The following MAX variants were observed in gnomAD, a reference collection of about 807,000 sequenced individuals.
The protein encoded by MAX is MYC associated transcriptional regulator X.
Under a neutral mutation model 22.3 loss-of-function variants are expected in MAX, and 3 were observed. The ratio of observed to expected loss-of-function variants is 0.13; its 90% CI spans 0.06 to 0.35. The LOEUF (loss-of-function observed/expected upper bound fraction) is 0.35, where lower values mean the gene tolerates loss of function less well. MAX is among the 10% of genes least tolerant of loss of function. MAX has a pLI of 1.00. For synonymous variants in MAX, 72 were observed against 77.7 expected (o/e 0.93, Z 0.39); for missense variants, 119 against 209.4 (o/e 0.57, Z 2.66).
intron 3 of MAX, among the ~76,000 whole-genome samples, chr14:65,033,309 G>A (rs2062122168): frequency 6.6e-6 from 1 of 152,152 alleles, no homozygotes; most frequent in Non-Finnish European, 1.5e-5. Flanking sequence ...ATTCTGTATT[G>A]TTTCTGAGAA....
downstream of MAX, among the ~76,000 whole-genome samples, chr14:65,074,862 G>C (rs964165960): frequency 6.6e-6 from 1 of 152,190 alleles, no homozygotes; most frequent in African/African-American, 2.4e-5. Flanking sequence ...ACTAGATCTA[G>C]AAATGTTGCC....
At chr14:65,102,261 C>A (rs886953955) in intron 1 of MAX, 43 bp downstream of exon 1, 1 of 1,612,272 alleles carries the variant, frequency 6.2e-7, no homozygotes, top group Admixed American at 1.7e-5. Context: ...CCGCTGTCCC[C>A]GCCTGACAAC....
downstream of MAX, among the ~76,000 whole-genome samples, chr14:65,071,031 A>G (rs1356034897): frequency 6.6e-6 from 1 of 152,226 alleles, no homozygotes; most frequent in Non-Finnish European, 1.5e-5. The surrounding 1 kb of genome is among the most constrained non-coding windows in gnomAD (Gnocchi z 4.2). Flanking sequence ...CTTTCAGAAA[A>G]CATGCAAATT....
At chr14:65,049,227 T>C (rs975312620) in intron 3 of MAX, among the ~76,000 whole-genome samples, 2 of 152,098 alleles carry the variant, frequency 1.3e-5, no homozygotes, top group Non-Finnish European at 2.9e-5. Context: ...AGCAGGCCTG[T>C]GAGTTTCCAC....
intron 3 of MAX, among the ~76,000 whole-genome samples, chr14:65,086,085 G>A (rs986748750): frequency 6.6e-6 from 1 of 152,180 alleles, no homozygotes; most frequent in African/African-American, 2.4e-5. Context: ...CCCTGCACAA[G>A]TTCTCTTCGC....
In MAX at chr14:65,029,599, C is replaced by G. The variant is rs902420764; in HGVS notation, c.172-23315G>C. Among the ~76,000 whole-genome samples, 10 of 152,178 alleles carry G rather than the reference C, an allele frequency of 6.6e-5. No homozygotes were observed. Among genetic ancestry groups the G allele is most frequent in the Non-Finnish European group, 1.0e-4 (7 of 68,044 alleles). ...AGACCTCCTTTCTAGGTTATATAAT[C>G]TAGATCATTCTGTGAGGATAAGGTG... On this transcript the variant is annotated intron_variant, in intron 3 of 3. Transcript: ENST00000341653. This position sits in a 1 kb window ranked among gnomAD's most constrained non-coding sequence, Gnocchi z 4.7.
Position 65,027,798 on chromosome 14 carries a change from A to G in MAX, c.172-21514T>C. 6.2e-7 allele frequency: 1 copy of G among 1,613,914 alleles called. No individual in the cohort carries two copies. Among genetic ancestry groups the G allele is most frequent in the Admixed American group, 1.7e-5 (1 of 59,994 alleles). On this transcript the variant is annotated intron_variant, in intron 3 of 3. Transcript: ENST00000341653. This position sits in a 1 kb window ranked among gnomAD's most constrained non-coding sequence, Gnocchi z 5.7. The stretch of plus-strand genomic sequence containing the variant: ...GGATGTGAGGTGAGTGGGGTTTTGC[A>G]CAGGCTGCCACATCAGTTGACTCTA...
rs1232569358 is a variant in MAX at position 65,023,164 on chromosome 14, TC to T, written c.172-16881del. 2.0e-5 allele frequency among the ~76,000 whole-genome samples: 3 copies of T among 152,160 alleles called. No homozygotes were observed. The highest frequency in any genetic ancestry group is 4.4e-5 in the Non-Finnish European group (3 of 68,020). ...CCTGGACTTCCCCAAGCTCAAGTGA[TC>T]CTCCCACCTCAGCCTCCTGAGTAGC... is the stretch of plus-strand genomic sequence containing the variant. On this transcript the variant is annotated intron_variant, in intron 3 of 3. Transcript: ENST00000341653. The surrounding 1 kb of genome is among the most constrained non-coding windows in gnomAD (Gnocchi z 4.1).
intron 3 of MAX, among the ~76,000 whole-genome samples, chr14:65,056,743 G>GT (rs1330919191): frequency 6.6e-6 from 1 of 152,118 alleles, no homozygotes; most frequent in Non-Finnish European, 1.5e-5. Context: ...TCTTCTATCA[G>GT]TTACATGTGT....
At chr14:65,042,369 A>G (rs1159026207) in intron 3 of MAX, among the ~76,000 whole-genome samples, 4 of 152,148 alleles carry the variant, frequency 2.6e-5, no homozygotes, top group East Asian at 1.9e-4. Flanking sequence ...TTTGGGGGTG[A>G]TGGGAGACAG....
chr14:65,046,857 T>C (rs1873359340), intron 3 of MAX, among the ~76,000 whole-genome samples: 1 of 151,776 alleles, frequency 6.6e-6, no homozygotes, highest in African/African-American at 2.4e-5. Flanking sequence ...TGTTTGCTTC[T>C]GTTTGTATTT....
At chr14:65,024,103 TAAAA>T (rs557949276) in intron 3 of MAX, among the ~76,000 whole-genome samples, 2 of 129,708 alleles carry the variant, frequency 1.5e-5, no homozygotes, top group African/African-American at 5.8e-5. Context: ...CTCCATCTCC[TAAAA>T]AAAAAAAAAA....
intron 3 of MAX, among the ~76,000 whole-genome samples, chr14:65,021,635 T>C (rs561755977): frequency 6.6e-6 from 1 of 152,242 alleles, no homozygotes; most frequent in East Asian, 1.9e-4. Context: ...TGAGAAACTC[T>C]GCTCTAAAGT....
Position 65,012,168 on chromosome 14 carries a change from A to T in MAX, c.172-5884T>A. Reference sequence around the variant, plus strand: ...TTTCTCTGGTTTAGTTGCTCTTTGGAACCAGAGAAGTTGCTGGTTATCCAG... The same window carrying T: ...TTTCTCTGGTTTAGTTGCTCTTTGGTACCAGAGAAGTTGCTGGTTATCCAG... On this transcript the variant is annotated intron_variant, in intron 3 of 3. Coordinates refer to the MAX transcript ENST00000341653. This position sits in a 1 kb window ranked among gnomAD's most constrained non-coding sequence, Gnocchi z 5.0. 1.1e-6 allele frequency: 1 copy of T among 873,432 alleles called. No individual in the cohort carries two copies. Among genetic ancestry groups the T allele is most frequent in the Non-Finnish European group, 1.8e-6 (1 of 566,084 alleles). The allele number at this position is 873,432 out of a possible 1,614,324, so 54.1% of individuals were successfully genotyped here. A position where few individuals can be genotyped will look rare whatever the true frequency, so the allele number is the denominator to read the frequency against.
At chr14:65,043,705 C>T (rs1238430073) in intron 3 of MAX, among the ~76,000 whole-genome samples, 1 of 151,096 alleles carries the variant, frequency 6.6e-6, no homozygotes, top group Non-Finnish European at 1.5e-5. Context: ...GCCTGTGGTC[C>T]CAGCTACTCG....
intron 3 of MAX, among the ~76,000 whole-genome samples, chr14:65,048,673 T>G (rs760453548): frequency 6.6e-6 from 1 of 152,110 alleles, no homozygotes; most frequent in Non-Finnish European, 1.5e-5. Flanking sequence ...GGCAATATAG[T>G]GAGAGCTTGT....
chr14:65,099,187 AGTT>A (rs1296316903), intron 2 of MAX, among the ~76,000 whole-genome samples: 6 of 152,184 alleles, frequency 3.9e-5, no homozygotes, highest in African/African-American at 1.4e-4. Flanking sequence ...CAGTCACAAT[AGTT>A]GTTTGATATA....
chr14:65,021,449 G>C (rs2061884768), intron 3 of MAX, among the ~76,000 whole-genome samples: 1 of 152,096 alleles, frequency 6.6e-6, no homozygotes, highest in Non-Finnish European at 1.5e-5. Context: ...TTTAAGTCTA[G>C]TTTGTATGTT....
At chr14:65,055,541 A>G (rs777440017) in intron 3 of MAX, among the ~76,000 whole-genome samples, 3 of 151,728 alleles carry the variant, frequency 2.0e-5, no homozygotes, top group East Asian at 1.9e-4. Flanking sequence ...TTGTGAGACA[A>G]AGTCTCACTC....
Sources: gnomAD v4.1 joint callset for allele counts (sites outside exome capture counted in the v4.1 genomes callset) on GRCh38, gnomAD v4.1.1 for gene constraint, Gnocchi (gnomAD v3.1) non-coding constraint, MANE v1.5 for transcripts, NCBI Gene and HGNC (gene_info 2026-07-23, HGNC 2026-07-21) for gene names.